SUGCT: variants seen among roughly 807,000 people sequenced by gnomAD.
SUGCT encodes succinyl-CoA:glutarate CoA-transferase.
A neutral mutation model predicts 55.0 loss-of-function variants in SUGCT; 41 were observed. That is an observed-to-expected ratio of 0.74 (90% confidence interval 0.58 to 0.97). The LOEUF (loss-of-function observed/expected upper bound fraction) is 0.97. Among genes scored for constraint, SUGCT ranks in the 50% least tolerant of loss-of-function variants. The probability of loss-of-function intolerance (pLI) is 0.00; values close to 1 mark genes in which losing one functional copy is unlikely to be tolerated. For synonymous variants in SUGCT, 187 were observed against 200.4 expected (o/e 0.93, Z 0.56); for missense variants, 568 against 547.8 (o/e 1.04, Z -0.37).
chr7:40,220,962 A>G (rs1351951810), intron 6 of SUGCT, among the ~76,000 whole-genome samples: 4 of 152,328 alleles, frequency 2.6e-5, no homozygotes, highest in South Asian at 2.1e-4. Flanking sequence ...TCACAGGACA[A>G]TTTTTGTTTT....
At chr7:40,857,426 T>C (rs1794239197) in intron 13 of SUGCT, among the ~76,000 whole-genome samples, 1 of 152,210 alleles carries the variant, frequency 6.6e-6, no homozygotes, top group South Asian at 2.1e-4. Context: ...GTCTTCATCC[T>C]AGCAAGTGTG....
rs1172421700 is a variant in SUGCT at position 40,135,093 on chromosome 7, G to C, written c.73G>C (p.Gly25Arg). The change falls in exon 1 of 14, where the codon GGG becomes CGG. Residue 25 changes from glycine (G) to arginine (R), a missense_variant. Physicochemically the swap from Gly to Arg is moderately radical, Grantham distance 125. Transcript: ENST00000335693. ...CLFSGRGGGR[G>R]LWTGRPQSDM... is the part of the protein sequence containing the mutation. ...CTTCTCCGGCCGGGGCGGCGGGAGG[G>C]GGCTGTGGACTGGCCGCCCGCAGTC... 6.4e-7 allele frequency: 1 copy of C among 1,559,174 alleles called. No individual in the cohort carries two copies. The highest frequency in any genetic ancestry group is 1.9e-5 in the Admixed American group (1 of 52,410).
chr7:40,296,391 G>A (rs1431038303), intron 8 of SUGCT, among the ~76,000 whole-genome samples: 1 of 152,154 alleles, frequency 6.6e-6, no homozygotes, highest in African/African-American at 2.4e-5. Context: ...GATCTCTTTG[G>A]TGGTCAAAAT....
At chr7:41,016,183 G>T in the SUGCT span, among the ~76,000 whole-genome samples, 73,949 of 151,968 alleles carry the variant, frequency 0.49, 18,418 homozygotes, top group South Asian at 0.63. Flanking sequence ...TACAATTTAA[G>T]TTTTGCTCTT....
chr7:40,629,156 G>C (rs1364245365), intron 12 of SUGCT, among the ~76,000 whole-genome samples: 2 of 152,128 alleles, frequency 1.3e-5, no homozygotes, highest in Non-Finnish European at 2.9e-5. Context: ...TTTCAGCGCA[G>C]TTCATGCCTA....
intron 13 of SUGCT, among the ~76,000 whole-genome samples, chr7:40,799,454 A>T (rs1433735042): frequency 6.6e-6 from 1 of 152,164 alleles, no homozygotes; most frequent in Non-Finnish European, 1.5e-5. Flanking sequence ...AGTTACCCAA[A>T]CAACCAGAAG....
At chr7:40,932,998 C>G in the SUGCT span, among the ~76,000 whole-genome samples, 12 of 151,920 alleles carry the variant, frequency 7.9e-5, no homozygotes, top group Non-Finnish European at 2.9e-5. Context: ...GTTATTTTGC[C>G]CATTAATTGA....
chr7:41,011,822 T>A, the SUGCT span, among the ~76,000 whole-genome samples: 1 of 152,216 alleles, frequency 6.6e-6, no homozygotes, highest in Non-Finnish European at 1.5e-5. Context: ...TACATTTTTG[T>A]ATACAGATAG....
At chr7:40,561,910 T>G (rs1296478534) in intron 12 of SUGCT, among the ~76,000 whole-genome samples, 1 of 148,564 alleles carries the variant, frequency 6.7e-6, no homozygotes, top group African/African-American at 2.5e-5. Flanking sequence ...CAGGCTGGTC[T>G]TGAACTCCTG....
At chr7:40,709,741 G>T (rs143112284) in intron 12 of SUGCT, among the ~76,000 whole-genome samples, 3 of 152,152 alleles carry the variant, frequency 2.0e-5, no homozygotes, top group Non-Finnish European at 4.4e-5. Flanking sequence ...TGGTTTCTCC[G>T]TAGTGGTTAC....
chr7:40,599,094 C>T (rs917678576), intron 12 of SUGCT, among the ~76,000 whole-genome samples: 8 of 152,080 alleles, frequency 5.3e-5, no homozygotes, highest in South Asian at 2.1e-4. Flanking sequence ...TGCCAACTTC[C>T]GATGCCACGG....
chr7:40,731,155 T>G (rs967048797), intron 12 of SUGCT, among the ~76,000 whole-genome samples: 1 of 152,128 alleles, frequency 6.6e-6, no homozygotes. Flanking sequence ...AGAATGAGTT[T>G]TGGGTGGCCC....
At chr7:40,135,998 G>A (rs1787668340) in intron 1 of SUGCT, among the ~76,000 whole-genome samples, 1 of 138,096 alleles carries the variant, frequency 7.2e-6, no homozygotes, top group Non-Finnish European at 1.5e-5. Context: ...CAGGATGCAG[G>A]ATTTTTTTTT....
At chr7:40,138,991 A>G (rs984296391) in intron 1 of SUGCT, among the ~76,000 whole-genome samples, 3 of 152,216 alleles carry the variant, frequency 2.0e-5, no homozygotes, top group African/African-American at 7.2e-5. Flanking sequence ...TTTAGGAATC[A>G]GGCTGGGCGT....
chr7:40,639,736 C>T (rs1800184733), intron 12 of SUGCT, among the ~76,000 whole-genome samples: 1 of 151,044 alleles, frequency 6.6e-6, no homozygotes, highest in South Asian at 2.1e-4. Flanking sequence ...TGTTCTCGAA[C>T]TCCTGACCTC....
intron 12 of SUGCT, among the ~76,000 whole-genome samples, chr7:40,684,355 C>T (rs1784379495): frequency 6.6e-6 from 1 of 152,192 alleles, no homozygotes; most frequent in Non-Finnish European, 1.5e-5. Flanking sequence ...AGAGGCATTC[C>T]ATTTTACTTA....
At chr7:40,178,647 C>T (rs1785038447) in intron 1 of SUGCT, among the ~76,000 whole-genome samples, 1 of 151,728 alleles carries the variant, frequency 6.6e-6, no homozygotes, top group African/African-American at 2.4e-5. Context: ...CTTTTTTCTC[C>T]CTAGAAATGT....
chr7:40,410,274 A>G (rs1190024978), intron 9 of SUGCT, among the ~76,000 whole-genome samples: 2 of 152,112 alleles, frequency 1.3e-5, no homozygotes, highest in East Asian at 3.8e-4. Flanking sequence ...ATTACTTTAA[A>G]TCCAGTTAAT....
intron 7 of SUGCT, among the ~76,000 whole-genome samples, chr7:40,273,073 A>G (rs1792204937): frequency 6.6e-6 from 1 of 152,162 alleles, no homozygotes; most frequent in African/African-American, 2.4e-5. Context: ...CTTTTAAGAC[A>G]TTAAATAATT....
Sources: allele counts gnomAD v4.1 joint callset (sites outside exome capture counted in the v4.1 genomes callset), GRCh38; gene constraint gnomAD v4.1.1; transcripts MANE v1.5; gene names NCBI Gene and HGNC (gene_info 2026-07-23, HGNC 2026-07-21).